Variants in ASTN2 observed in about 807,000 individuals in gnomAD.
ASTN2 encodes astrotactin-2.
In ASTN2, 54 loss-of-function variants were observed where a neutral mutation model predicts 139.8. The ratio of observed to expected loss-of-function variants is 0.39; its 90% CI spans 0.31 to 0.48. The LOEUF is 0.48. Among genes scored for constraint, ASTN2 ranks in the 20% least tolerant of loss-of-function variants. The pLI, the probability that ASTN2 is intolerant of heterozygous loss-of-function variation, is 0.95. For missense variants in ASTN2, 1,565 were observed against 1,725.1 expected, an observed-to-expected ratio of 0.91 and a Z score of 1.64; for synonymous variants, 756 against 719.5, an observed-to-expected ratio of 1.05 and a Z score of -0.81.
chr9:116,783,993 T>C (rs910381400), intron 13 of ASTN2, among the ~76,000 whole-genome samples: 1 of 152,156 alleles, frequency 6.6e-6, no homozygotes, highest in African/African-American at 2.4e-5. Flanking sequence ...CAAATAATAA[T>C]ACAAATATTA....
intron 4 of ASTN2, among the ~76,000 whole-genome samples, chr9:117,136,541 A>C (rs1020356577): frequency 6.6e-6 from 1 of 152,176 alleles, no homozygotes; most frequent in Admixed American, 6.5e-5. Flanking sequence ...CCCCCAGTGC[A>C]AGTGACAGAA....
At chr9:116,588,725 T>C (rs1392905069) in intron 19 of ASTN2, among the ~76,000 whole-genome samples, 2 of 152,192 alleles carry the variant, frequency 1.3e-5, no homozygotes, top group African/African-American at 2.4e-5. Flanking sequence ...TTTTTTAAAA[T>C]TGAAGAATGC....
chr9:117,394,158 C>T (rs1221595941), intron 1 of ASTN2, among the ~76,000 whole-genome samples: 1 of 152,074 alleles, frequency 6.6e-6, no homozygotes, highest in East Asian at 1.9e-4. Context: ...TTGGTAGCAC[C>T]TATTCAATAA....
rs1013634146 is a variant in ASTN2 at position 116,987,693 on chromosome 9, C to T, written c.1592-10908G>A. Among the ~76,000 whole-genome samples the T allele has an allele frequency of 4.6e-5, 7 of 152,014 alleles. No homozygotes were observed. In the South Asian group the frequency reaches 8.3e-4, roughly 18 times the overall value. On this transcript the variant is annotated intron_variant, in intron 7 of 22. Coordinates refer to ENST00000313400, the MANE Select transcript of ASTN2 (RefSeq NM_001365068.1). The stretch of plus-strand genomic sequence containing the variant: ...TATGTTTTTTCCTATATGTACATAC[C>T]CATGATAACATTTAATTTATAAATT...
At chr9:117,284,900 T>C (rs534385724) in intron 2 of ASTN2, among the ~76,000 whole-genome samples, 2 of 152,296 alleles carry the variant, frequency 1.3e-5, no homozygotes, top group Admixed American at 1.3e-4. Context: ...GAGTCACAGG[T>C]CTTACAAGTT....
intron 2 of ASTN2, among the ~76,000 whole-genome samples, chr9:117,227,327 C>T (rs937195566): frequency 3.3e-5 from 5 of 152,198 alleles, no homozygotes; most frequent in South Asian, 2.1e-4. Context: ...TAACTTTGTT[C>T]ATGGCCTTAA....
At chr9:117,155,979 G>T (rs1302687794) in intron 3 of ASTN2, among the ~76,000 whole-genome samples, 1 of 151,944 alleles carries the variant, frequency 6.6e-6, no homozygotes, top group African/African-American at 2.4e-5. Flanking sequence ...GTTACATTAA[G>T]CATATTATTA....
chr9:117,291,247 A>G (rs1160591272), intron 2 of ASTN2, 79 bp downstream of exon 2: 11 of 1,530,432 alleles, frequency 7.2e-6, no homozygotes, highest in African/African-American at 1.4e-5. Flanking sequence ...TCTGTGGACA[A>G]TCCCCCGCCC....
chr9:116,935,258 A>G (rs1835035608), intron 10 of ASTN2, among the ~76,000 whole-genome samples: 1 of 152,220 alleles, frequency 6.6e-6, no homozygotes, highest in East Asian at 1.9e-4. Context: ...GAGTCCAGTG[A>G]CGAGAATATG....
chr9:116,922,380 T>C lies in ASTN2; in HGVS notation c.1889+52828A>G, dbSNP rs369519201. On this transcript the variant is annotated intron_variant, in intron 10 of 22. Transcript: ENST00000313400. ...CATAATGAGTTTTTAATCATTTTTTTCAATAATGACTCATTTAAGCCTTGG... is the reference window on the plus strand; with the variant it reads ...CATAATGAGTTTTTAATCATTTTTTCCAATAATGACTCATTTAAGCCTTGG... 2.6e-5 allele frequency among the ~76,000 whole-genome samples: 4 copies of C among 152,236 alleles called. No homozygotes were observed. In the East Asian group the frequency reaches 7.7e-4, roughly 29 times the overall value.
chr9:116,871,025 G>A (rs915036582), intron 10 of ASTN2, among the ~76,000 whole-genome samples: 2 of 152,138 alleles, frequency 1.3e-5, no homozygotes, highest in African/African-American at 4.8e-5. Flanking sequence ...TTGGGAGGCC[G>A]AGACAGACAG....
At chr9:116,742,660 T>G (rs1829124800) in intron 13 of ASTN2, among the ~76,000 whole-genome samples, 1 of 152,002 alleles carries the variant, frequency 6.6e-6, no homozygotes, top group Non-Finnish European at 1.5e-5. Flanking sequence ...TAGCAGTAAG[T>G]GAAGAAGAGA....
chr9:116,500,940 T>C (rs1849832253), intron 19 of ASTN2, among the ~76,000 whole-genome samples: 1 of 152,210 alleles, frequency 6.6e-6, no homozygotes, highest in African/African-American at 2.4e-5. Flanking sequence ...ATTATCCTCA[T>C]GTATTTAGCA....
intron 16 of ASTN2, among the ~76,000 whole-genome samples, chr9:116,721,918 C>T (rs1828482811): frequency 6.6e-6 from 1 of 152,172 alleles, no homozygotes; most frequent in Admixed American, 6.5e-5. Context: ...TACAGAGGAT[C>T]TAGACCACTA....
chr9:116,994,303 C>T (rs1836949343), intron 7 of ASTN2, among the ~76,000 whole-genome samples: 1 of 152,100 alleles, frequency 6.6e-6, no homozygotes, highest in South Asian at 2.1e-4. Context: ...TACAAAAAAA[C>T]AGCAGTTGGC....
chr9:117,016,260 T>C (rs2132602921), intron 6 of ASTN2, among the ~76,000 whole-genome samples: 1 of 152,108 alleles, frequency 6.6e-6, no homozygotes, highest in Non-Finnish European at 1.5e-5. Flanking sequence ...GAACATGGAC[T>C]TTGTGACTCT....
intron 6 of ASTN2, among the ~76,000 whole-genome samples, chr9:117,033,346 A>G (rs1252351789): frequency 2.0e-5 from 3 of 152,140 alleles, no homozygotes; most frequent in Non-Finnish European, 4.4e-5. Context: ...AGAAAATATT[A>G]TTACTACTTC....
intron 4 of ASTN2, among the ~76,000 whole-genome samples, chr9:117,125,461 G>A (rs1829663011): frequency 6.6e-6 from 1 of 152,128 alleles, no homozygotes; most frequent in South Asian, 2.1e-4. Context: ...CCTATATGTA[G>A]CCACAAATAT....
At chr9:116,853,490 T>C (rs1832663637) in intron 11 of ASTN2, among the ~76,000 whole-genome samples, 1 of 152,178 alleles carries the variant, frequency 6.6e-6, no homozygotes, top group Non-Finnish European at 1.5e-5. Flanking sequence ...TCATGGCTTC[T>C]GACCTCCTCA....
Sources: gnomAD v4.1 joint callset for allele counts (sites outside exome capture counted in the v4.1 genomes callset) on GRCh38, gnomAD v4.1.1 for gene constraint, MANE v1.5 for transcripts, NCBI Gene and HGNC (gene_info 2026-07-23, HGNC 2026-07-21) for gene names.